The following ITGA9 variants were observed in gnomAD, a reference collection of about 807,000 sequenced individuals.
ITGA9 encodes integrin alpha-9.
A neutral mutation model predicts 127.8 loss-of-function variants in ITGA9; 56 were observed. That is an observed-to-expected ratio of 0.44 (90% confidence interval 0.35 to 0.55). The LOEUF (loss-of-function observed/expected upper bound fraction) is 0.55. ITGA9 is among the 20% of genes least tolerant of loss of function. The probability of loss-of-function intolerance (pLI) is 0.00; values close to 1 mark genes in which losing one functional copy is unlikely to be tolerated. For missense variants in ITGA9, 1,196 were observed against 1,347.1 expected (o/e 0.89, Z 1.76); for synonymous variants, 508 against 514.5 (o/e 0.99, Z 0.17).
chr3:37,765,167 G>C (rs1233569791), intron 23 of ITGA9, among the ~76,000 whole-genome samples: 2 of 152,032 alleles, frequency 1.3e-5, no homozygotes, highest in Non-Finnish European at 2.9e-5. Flanking sequence ...GTCACCCCTT[G>C]TATCTCCTGG....
intron 18 of ITGA9, among the ~76,000 whole-genome samples, chr3:37,722,515 C>T (rs544368899): frequency 1.3e-5 from 2 of 152,320 alleles, no homozygotes; most frequent in South Asian, 4.1e-4. Flanking sequence ...CTTTCTTTCT[C>T]TCTAGATTTG....
intron 8 of ITGA9, among the ~76,000 whole-genome samples, chr3:37,511,964 CTTTCTTTTCTTTTCTTTT>C (rs1344184647): frequency 2.4e-4 from 21 of 88,210 alleles, no homozygotes; most frequent in Admixed American, 4.8e-4. Flanking sequence ...TGCTTTTTCT[CTTTCTTTTCTTTTCTTTT>C]CTTTTCTTTT....
At chr3:37,602,627 T>A (rs1324347662) in intron 15 of ITGA9, among the ~76,000 whole-genome samples, 1 of 152,222 alleles carries the variant, frequency 6.6e-6, no homozygotes, top group Non-Finnish European at 1.5e-5. Flanking sequence ...CATTTCTTGA[T>A]CATTTCAAAG....
intron 16 of ITGA9, among the ~76,000 whole-genome samples, chr3:37,640,859 G>T (rs971595671): frequency 6.6e-6 from 1 of 152,158 alleles, no homozygotes; most frequent in African/African-American, 2.4e-5. Flanking sequence ...CTGCCTCTGG[G>T]TGGTGGTGGG....
At chr3:37,558,980 C>T (rs975358423) in intron 15 of ITGA9, among the ~76,000 whole-genome samples, 15 of 152,088 alleles carry the variant, frequency 9.9e-5, no homozygotes, top group African/African-American at 3.6e-4. Flanking sequence ...CTTCTTTCCA[C>T]CTGTATTTGT....
chr3:37,585,742 T>C (rs1482643533), intron 15 of ITGA9: 3 of 476,376 alleles, frequency 6.3e-6, no homozygotes, highest in Admixed American at 4.0e-5. Context: ...TGAACACTAA[T>C]ATGCCTGACT....
At chr3:37,549,022 G>A (rs990608005) in intron 15 of ITGA9, among the ~76,000 whole-genome samples, 2 of 152,232 alleles carry the variant, frequency 1.3e-5, no homozygotes, top group Non-Finnish European at 2.9e-5. Flanking sequence ...CATGCGATAT[G>A]CTCTGCTCAC....
At chr3:37,490,063 G>A (rs533776225) in intron 4 of ITGA9, among the ~76,000 whole-genome samples, 43 of 152,228 alleles carry the variant, frequency 2.8e-4, no homozygotes, top group Non-Finnish European at 5.1e-4. Context: ...ATCCTGAGTG[G>A]CGGGGTGAGT....
chr3:37,761,412 G>T (rs977048339), intron 23 of ITGA9, among the ~76,000 whole-genome samples: 1 of 152,138 alleles, frequency 6.6e-6, no homozygotes, highest in East Asian at 1.9e-4. Flanking sequence ...TATATTATCA[G>T]GGTTCTCAGC....
At chr3:37,522,064 C>G (rs1013734423) in intron 11 of ITGA9, among the ~76,000 whole-genome samples, 2 of 152,026 alleles carry the variant, frequency 1.3e-5, no homozygotes, top group African/African-American at 2.4e-5. Flanking sequence ...AAAACTCCCC[C>G]CTCCTTGCCT....
chr3:37,463,200 C>T (rs931464849), intron 1 of ITGA9, among the ~76,000 whole-genome samples: 10 of 152,322 alleles, frequency 6.6e-5, no homozygotes, highest in Middle Eastern at 3.4e-3. Context: ...GTCCAGATTC[C>T]GTCAGAAGTG....
chr3:37,514,006 C>A, intron 9 of ITGA9, 106 bp downstream of exon 9: 2 of 1,330,534 alleles, frequency 1.5e-6, no homozygotes, highest in Non-Finnish European at 2.2e-6. Flanking sequence ...GCAATGTTAC[C>A]CAGAGGAGAT....
intron 13 of ITGA9, among the ~76,000 whole-genome samples, chr3:37,530,785 G>A (rs1226631014): frequency 1.7e-5 from 2 of 117,636 alleles, no homozygotes; most frequent in African/African-American, 3.2e-5. Context: ...GGAGTCTCCC[G>A]CTGTCACCAA....
rs962143938 is a variant in ITGA9, at chr3:37,452,853, C to T, written c.185+294C>T. 3.3e-5 allele frequency among the ~76,000 whole-genome samples: 5 copies of T among 152,142 alleles called. No individual in the cohort carries two copies. In the South Asian group the frequency reaches 1.0e-3, roughly 31 times the overall value. On this transcript the variant is annotated intron_variant, in intron 1 of 27. Coordinates refer to ENST00000264741, the MANE Select transcript of ITGA9 (RefSeq NM_002207.3). This position sits in a 1 kb window ranked among gnomAD's most constrained non-coding sequence, Gnocchi z 7.3. ...GAGCCGCTAGAGTTGTCTCCTCCGC[C>T]GCCCAGCTAGACTCGGCTTCACTCT...
At chr3:37,572,326 TG>T (rs1376706265) in intron 15 of ITGA9, among the ~76,000 whole-genome samples, 1 of 152,166 alleles carries the variant, frequency 6.6e-6, no homozygotes, top group Admixed American at 6.5e-5. Context: ...ATGAACTGAA[TG>T]GGAGTTCACA....
intron 18 of ITGA9, among the ~76,000 whole-genome samples, chr3:37,720,406 A>C (rs1024289507): frequency 2.6e-5 from 4 of 152,152 alleles, no homozygotes; most frequent in African/African-American, 9.7e-5. Context: ...CCACTTGTTG[A>C]GTTTTCCGTC....
At position 37,500,663 on chromosome 3, in the gene ITGA9, C is replaced by T. The variant is rs529235409; in HGVS notation, c.613-2515C>T. Among the ~76,000 whole-genome samples, 7 of 152,304 alleles carry T rather than the reference C, an allele frequency of 4.6e-5. No homozygotes were observed. The South Asian group carries it at 1.0e-3, about 23-fold the overall frequency. On this transcript the variant is annotated intron_variant, in intron 5 of 27. Coordinates refer to ENST00000264741, the MANE Select transcript of ITGA9 (RefSeq NM_002207.3). ...CAGTGGTGACTTTATGAATTGTCCT[C>T]AGAAATTCTAAATCTCTGCGGCAGG...
intron 15 of ITGA9, among the ~76,000 whole-genome samples, chr3:37,585,412 C>T (rs910318096): frequency 6.6e-6 from 1 of 152,160 alleles, no homozygotes; most frequent in African/African-American, 2.4e-5. Context: ...CCTCTTTCCC[C>T]ATAACTTGTC....
At chr3:37,664,136 C>A (rs1228115335) in intron 17 of ITGA9, among the ~76,000 whole-genome samples, 1 of 152,194 alleles carries the variant, frequency 6.6e-6, no homozygotes, top group Admixed American at 6.5e-5. Flanking sequence ...TCCTCCTGTA[C>A]ATTGGCTTCT....
Sources: allele counts gnomAD v4.1 joint callset (sites outside exome capture counted in the v4.1 genomes callset), GRCh38; gene constraint gnomAD v4.1.1; non-coding constraint Gnocchi (gnomAD v3.1); transcripts MANE v1.5; gene names NCBI Gene and HGNC (gene_info 2026-07-23, HGNC 2026-07-21).